Variants in ANKAR observed in about 807,000 individuals in gnomAD.
ANKAR encodes the protein ankyrin and armadillo repeat containing.
Under a neutral mutation model 146.2 loss-of-function variants are expected in ANKAR, and 136 were observed. The ratio of observed to expected loss-of-function variants is 0.93; its 90% CI spans 0.81 to 1.07. The LOEUF is 1.07. Ranked by LOEUF, ANKAR falls within the 50% of genes least tolerant of loss-of-function variation. ANKAR has a pLI of 0.00. For synonymous variants in ANKAR, 500 were observed against 575.8 expected, an observed-to-expected ratio of 0.87 and a Z score of 1.88; for missense variants, 1,567 against 1,679.9, an observed-to-expected ratio of 0.93 and a Z score of 1.18.
At chr2:189,749,245 A>AT (rs2044693655), downstream of ANKAR, among the ~76,000 whole-genome samples, 1 of 19,188 alleles carries the variant, frequency 5.2e-5, no homozygotes, top group South Asian at 5.6e-3. Context: ...GACTCTGTCT[A>AT]AAAAAAAAAA....
At chr2:189,732,037 G>A (rs1456237974) in intron 16 of ANKAR, among the ~76,000 whole-genome samples, 1 of 152,090 alleles carries the variant, frequency 6.6e-6, no homozygotes, top group African/African-American at 2.4e-5. Flanking sequence ...CATAAAAAAT[G>A]TATCCATCTA....
At chr2:189,762,879 C>T (rs1024552521), downstream of ANKAR, 2 of 985,302 alleles carry the variant, frequency 2.0e-6, no homozygotes, top group Non-Finnish European at 2.4e-6. Context: ...GCTTAAAGGC[C>T]GTCTTTGCCC....
chr2:189,685,307 G>A (rs1004856791), intron 2 of ANKAR, among the ~76,000 whole-genome samples: 4 of 150,912 alleles, frequency 2.7e-5, no homozygotes, highest in Non-Finnish European at 4.4e-5. Context: ...ATGAACAATC[G>A]TGGTTTTTTT....
chr2:189,727,755 A>G, intron 12 of ANKAR, 101 bp from the exon 13 acceptor site: 1 of 1,389,182 alleles, frequency 7.2e-7, no homozygotes, highest in East Asian at 2.5e-5. Context: ...TAAGCTTTTT[A>G]TAAATTTGAT....
chr2:189,760,286 G>A (rs1270788768), intron 18 of ANKAR, among the ~76,000 whole-genome samples: 2 of 152,114 alleles, frequency 1.3e-5, no homozygotes, highest in East Asian at 1.9e-4. Context: ...CCTCCCAGAC[G>A]GGGTGGCAGC....
At chr2:189,741,195 T>C in intron 19 of ANKAR, 147 bp from the exon 20 acceptor site, 1 of 459,958 alleles carries the variant, frequency 2.2e-6, no homozygotes, top group Non-Finnish European at 3.9e-6. Context: ...ATTCTATATT[T>C]ACATATGCAT....
intron 10 of ANKAR, among the ~76,000 whole-genome samples, chr2:189,714,277 A>G (rs886188359): frequency 2.0e-5 from 3 of 152,228 alleles, no homozygotes; most frequent in African/African-American, 7.2e-5. Flanking sequence ...AGACATCCAC[A>G]GAACTCTCCA....
chr2:189,675,527 T>C (rs1299364463), intron 1 of ANKAR, among the ~76,000 whole-genome samples: 1 of 152,144 alleles, frequency 6.6e-6, no homozygotes, highest in African/African-American at 2.4e-5. Flanking sequence ...TTTGTATTTT[T>C]AGTAGAGACG....
In ANKAR at chr2:189,730,630, T is replaced by G. The variant is rs1231171574; in HGVS notation, c.3300+29T>G. On this transcript the variant is annotated intron_variant, in intron 16 of 22. Coordinates refer to ENST00000684021, the MANE Select transcript of ANKAR (RefSeq NM_001378068.1). ...TAAAGGTTTACATTGTTTTCTGATA[T>G]GGTAAAAATTAACAAATATAATTTT... 3 of 1,201,264 alleles carry G rather than the reference T, an allele frequency of 2.5e-6. No homozygotes were observed. In the South Asian group the frequency reaches 5.3e-5, roughly 21 times the overall value. 74.4% of individuals were successfully genotyped at this position (1,201,264 alleles called of 1,614,324 possible). A position where few individuals can be genotyped will look rare whatever the true frequency, so the allele number is the denominator to read the frequency against.
chr2:189,691,960 C>T (rs938661659), intron 3 of ANKAR, among the ~76,000 whole-genome samples: 2 of 151,954 alleles, frequency 1.3e-5, no homozygotes, highest in African/African-American at 4.8e-5. Flanking sequence ...CGGGGTTTCA[C>T]CATGTTGCCC....
intron 9 of ANKAR, 150 bp downstream of exon 9, chr2:189,707,296 A>G: frequency 2.4e-6 from 1 of 412,752 alleles, no homozygotes; most frequent in Non-Finnish European, 4.1e-6. Flanking sequence ...CCAGAAATAA[A>G]AATATGAATA....
At chr2:189,704,813 G>T in intron 7 of ANKAR, among the ~76,000 whole-genome samples, 1 of 148,030 alleles carries the variant, frequency 6.8e-6, no homozygotes, top group Non-Finnish European at 1.5e-5. Context: ...TTTGTTTTTT[G>T]TTTCCAAGTA....
chr2:189,689,978 C>A lies in ANKAR; in HGVS notation c.1039+14C>A. 1 of 1,454,132 alleles carries A rather than the reference C, an allele frequency of 6.9e-7. No individual in the cohort carries two copies. Among genetic ancestry groups the A allele is most frequent in the South Asian group, 1.6e-5 (1 of 62,090 alleles). The allele number at this position is 1,454,132 out of a possible 1,614,324, so 90.1% of individuals were successfully genotyped here. On this transcript the variant is annotated intron_variant, in intron 3 of 22. Transcript: ENST00000684021. ...AGCCTTTTTCAGGTAAGAGTATCAC[C>A]AAAAATCAAATATAAAATATAGGTA...
intron 7 of ANKAR, among the ~76,000 whole-genome samples, chr2:189,696,872 T>G (rs1247712151): frequency 6.6e-6 from 1 of 152,172 alleles, no homozygotes; most frequent in East Asian, 1.9e-4. Context: ...TTTCTTTATA[T>G]TACATATATT....
In ANKAR at chr2:189,730,500, G is replaced by C; in HGVS notation, c.3199G>C (p.Ala1067Pro). ...RAVGSICIGV[A>P]HTSNPVSQQL... ...ACTGGCGTGGACTCTTACAGGTGTA[G>C]CCCATACAAGCAATCCTGTCAGTCA... The change falls in exon 16 of 23, where the codon GCC becomes CCC. Residue 1067 changes from alanine to proline, a missense_variant. Transcript: ENST00000684021. 1 of 1,590,986 alleles carries C rather than the reference G, an allele frequency of 6.3e-7. No homozygotes were observed. Among genetic ancestry groups the C allele is most frequent in the Non-Finnish European group, 8.6e-7 (1 of 1,164,404 alleles).
intron 17 of ANKAR, among the ~76,000 whole-genome samples, chr2:189,736,499 G>GTTTTTTTTTTTTTTT (rs71938893): frequency 8.8e-6 from 1 of 113,722 alleles, no homozygotes; most frequent in African/African-American, 3.1e-5. Context: ...AGGTGACTGG[G>GTTTTTTTTTTTTTTT]TTTTGTGTGT....
rs115885604 is a variant in ANKAR, at chr2:189,760,841, A to T, written c.*585-257A>T. Among the ~76,000 whole-genome samples, 67 of 152,304 alleles carry T rather than the reference A, an allele frequency of 4.4e-4. 1 individual carries two copies. Among genetic ancestry groups the T allele is most frequent in the African/African-American group, 1.6e-3 (65 of 41,574 alleles). On this transcript the variant is annotated intron_variant and NMD_transcript_variant, in intron 18 of 18. Transcript: ENST00000441800. Reference sequence around the variant, plus strand: ...GGATTTCCATTTTCCCTTGAAAATTATAATAATCTAATAACACAGGTCCTG... The same window carrying T: ...GGATTTCCATTTTCCCTTGAAAATTTTAATAATCTAATAACACAGGTCCTG...
chr2:189,704,806 G>T (rs539792579), intron 7 of ANKAR, among the ~76,000 whole-genome samples: 43 of 149,064 alleles, frequency 2.9e-4, no homozygotes, highest in African/African-American at 9.9e-4. Flanking sequence ...AAAAATTTTT[G>T]TTTTTTGTTT....
intron 2 of ANKAR, among the ~76,000 whole-genome samples, chr2:189,685,219 T>C (rs918680547): frequency 2.6e-5 from 4 of 151,988 alleles, no homozygotes; most frequent in African/African-American, 9.7e-5. Context: ...GGCTGGGACA[T>C]TTCCTTTCTT....
Sources: gnomAD v4.1 joint callset for allele counts (sites outside exome capture counted in the v4.1 genomes callset) on GRCh38, gnomAD v4.1.1 for gene constraint, MANE v1.5 for transcripts, NCBI Gene and HGNC (gene_info 2026-07-23, HGNC 2026-07-21) for gene names.